Variants in CTNNA3 observed in about 807,000 individuals in gnomAD.
CTNNA3 encodes the protein catenin alpha-3.
A neutral mutation model predicts 95.7 loss-of-function variants in CTNNA3; 76 were observed. That is an observed-to-expected ratio of 0.79 (90% CI 0.66 to 0.96). The LOEUF (loss-of-function observed/expected upper bound fraction) is 0.96, where lower values mean the gene tolerates loss of function less well. CTNNA3 is among the 40% of genes least tolerant of loss of function. The probability of loss-of-function intolerance (pLI) is 0.00; values close to 1 mark genes in which losing one functional copy is unlikely to be tolerated. For synonymous variants in CTNNA3, 431 were observed against 374.4 expected, an observed-to-expected ratio of 1.15 and a Z score of -1.74; for missense variants, 1,191 against 1,089.8, an observed-to-expected ratio of 1.09 and a Z score of -1.31.
intron 3 of CTNNA3, among the ~76,000 whole-genome samples, chr10:67,566,280 A>C (rs1284276984): frequency 6.9e-6 from 1 of 145,012 alleles, no homozygotes; most frequent in African/African-American, 2.6e-5. Context: ...CATCTGACAA[A>C]GGGCTGATAT....
At chr10:66,429,059 T>C (rs572151037) in intron 11 of CTNNA3, among the ~76,000 whole-genome samples, 1 of 152,032 alleles carries the variant, frequency 6.6e-6, no homozygotes, top group East Asian at 1.9e-4. Context: ...CAATAAAAAA[T>C]GATAAAGGGG....
At chr10:66,774,214 C>T (rs1271820147) in intron 8 of CTNNA3, among the ~76,000 whole-genome samples, 1 of 152,098 alleles carries the variant, frequency 6.6e-6, no homozygotes, top group Admixed American at 6.5e-5. Context: ...ATAGAGACAA[C>T]TTTTCTGAGT....
At chr10:67,182,673 T>C (rs571817580) in intron 6 of CTNNA3, among the ~76,000 whole-genome samples, 11 of 151,428 alleles carry the variant, frequency 7.3e-5, no homozygotes, top group African/African-American at 1.7e-4. Flanking sequence ...GCAACAAAAG[T>C]CAAAATTGAC....
chr10:67,217,115 C>A (rs956742602), intron 6 of CTNNA3, among the ~76,000 whole-genome samples: 19 of 152,138 alleles, frequency 1.2e-4, no homozygotes, highest in Admixed American at 5.9e-4. Context: ...TGATACATTC[C>A]ACACTATAAA....
intron 7 of CTNNA3, among the ~76,000 whole-genome samples, chr10:66,910,484 A>G (rs1053840931): frequency 2.0e-5 from 3 of 152,236 alleles, no homozygotes. Flanking sequence ...CTCATAAGCC[A>G]GATAGCAACC....
At chr10:67,042,462 T>C (rs537145047) in intron 7 of CTNNA3, among the ~76,000 whole-genome samples, 3 of 152,274 alleles carry the variant, frequency 2.0e-5, no homozygotes, top group Admixed American at 6.5e-5. Flanking sequence ...TCTAAGCATG[T>C]AGATTTTTAG....
chr10:67,031,027 A>G (rs556428811), intron 7 of CTNNA3, among the ~76,000 whole-genome samples: 1 of 152,232 alleles, frequency 6.6e-6, no homozygotes, highest in Non-Finnish European at 1.5e-5. Flanking sequence ...AAATAAATAA[A>G]TAACTTAGCT....
At chr10:67,016,090 T>C (rs1564833451) in intron 7 of CTNNA3, among the ~76,000 whole-genome samples, 1 of 152,214 alleles carries the variant, frequency 6.6e-6, no homozygotes, top group African/African-American at 2.4e-5. Context: ...GTATTTGTTG[T>C]GATATACACT....
At chr10:66,946,934 AAT>A (rs531361338) in intron 7 of CTNNA3, among the ~76,000 whole-genome samples, 16 of 152,184 alleles carry the variant, frequency 1.1e-4, no homozygotes, top group Admixed American at 9.2e-4. Flanking sequence ...GGCGCTGGTA[AAT>A]CTTAATCTTA....
intron 13 of CTNNA3, among the ~76,000 whole-genome samples, chr10:66,199,811 T>TATAA (rs1564756727): frequency 1.0e-4 from 3 of 29,468 alleles, no homozygotes; most frequent in African/African-American, 2.7e-4. Context: ...ATATATTTTT[T>TATAA]TTTTTTTTTT....
At chr10:67,473,126 G>A (rs1847887835) in intron 5 of CTNNA3, among the ~76,000 whole-genome samples, 1 of 152,166 alleles carries the variant, frequency 6.6e-6, no homozygotes, top group Admixed American at 6.6e-5. Context: ...CAAAATGAAT[G>A]AACAATATAT....
At position 66,106,806 on chromosome 10, in the gene CTNNA3, T is replaced by A. The variant is rs2096318157; in HGVS notation, c.1885-3557A>T. Among the ~76,000 whole-genome samples, 4 of 152,332 alleles carry A rather than the reference T, an allele frequency of 2.6e-5. No homozygotes were observed. The South Asian group carries it at 6.2e-4, about 24-fold the overall frequency. On this transcript the variant is annotated intron_variant, in intron 13 of 17. Transcript: ENST00000433211. ...ATTTAATAATTTTAATCCAGTATAA[T>A]CCAAATTTATTTTTGATTTGGAACT...
intron 7 of CTNNA3, among the ~76,000 whole-genome samples, chr10:67,169,433 C>T (rs572479199): frequency 1.0e-3 from 156 of 152,080 alleles, no homozygotes; most frequent in Non-Finnish European, 1.8e-3. Context: ...AAAAAAGACA[C>T]GTAGACCAGT....
intron 17 of CTNNA3, among the ~76,000 whole-genome samples, chr10:65,951,984 G>T (rs970796866): frequency 3.5e-5 from 5 of 144,402 alleles, no homozygotes; most frequent in South Asian, 2.1e-4. Context: ...GAGCCGAGAT[G>T]GCACCATTGC....
At chr10:66,851,145 C>A (rs1404157358) in intron 7 of CTNNA3, among the ~76,000 whole-genome samples, 4 of 152,128 alleles carry the variant, frequency 2.6e-5, no homozygotes, top group African/African-American at 9.7e-5. Flanking sequence ...TATTGCCTAT[C>A]TGAGCCCTCC....
chr10:66,378,838 A>C (rs1444235260), intron 12 of CTNNA3, among the ~76,000 whole-genome samples: 1 of 152,162 alleles, frequency 6.6e-6, no homozygotes, highest in Non-Finnish European at 1.5e-5. Flanking sequence ...ACTATCACAT[A>C]CTTGATACCA....
chr10:67,372,175 G>A (rs1342661104), intron 5 of CTNNA3, among the ~76,000 whole-genome samples: 2 of 152,060 alleles, frequency 1.3e-5, no homozygotes, highest in African/African-American at 2.4e-5. Flanking sequence ...CATTCTGTAG[G>A]TTGCCTATTC....
chr10:66,448,637 C>G (rs954138936), intron 11 of CTNNA3, among the ~76,000 whole-genome samples: 1 of 140,878 alleles, frequency 7.1e-6, no homozygotes, highest in African/African-American at 2.7e-5. Context: ...TGAGAACACA[C>G]GGACACAGGA....
Position 67,483,705 on chromosome 10 carries a change from A to C in CTNNA3, c.579+38137T>G, listed in dbSNP as rs371983645. ...GCACACCAGCATGGCACATGTATAC[A>C]TATGTAACTAACCTGCACATTGTGC... On this transcript the variant is annotated intron_variant, in intron 5 of 17. Coordinates refer to ENST00000433211, the MANE Select transcript of CTNNA3 (RefSeq NM_013266.4). Among the ~76,000 whole-genome samples the C allele has an allele frequency of 5.7e-4, 86 of 151,184 alleles. No homozygotes were observed. The East Asian group carries it at 0.014, about 24-fold the overall frequency.
Sources: allele counts gnomAD v4.1 joint callset (sites outside exome capture counted in the v4.1 genomes callset), GRCh38; gene constraint gnomAD v4.1.1; transcripts MANE v1.5; gene names NCBI Gene and HGNC (gene_info 2026-07-23, HGNC 2026-07-21).